ASH1L: variants seen among roughly 807,000 people sequenced by gnomAD.
ASH1L encodes ASH1 like histone lysine methyltransferase, also known as histone-lysine N-methyltransferase ASH1L.
ASH1L carries 23 observed loss-of-function variants against 269.0 expected under a neutral mutation model. The ratio of observed to expected loss-of-function variants is 0.09; its 90% CI spans 0.06 to 0.12. The LOEUF (loss-of-function observed/expected upper bound fraction) is 0.12. Among genes scored for constraint, ASH1L ranks in the 10% least tolerant of loss-of-function variants. The probability of loss-of-function intolerance (pLI) is 1.00; values close to 1 mark genes in which losing one functional copy is unlikely to be tolerated. For missense variants in ASH1L, 2,912 were observed against 3,567.8 expected (o/e 0.82, Z 4.68); for synonymous variants, 1,187 against 1,253.5 (o/e 0.95, Z 1.12).
intron 7 of ASH1L, 82 bp from the exon 8 acceptor site, chr1:155,380,198 C>T (rs758433249): frequency 1.1e-6 from 1 of 943,804 alleles, no homozygotes; most frequent in Non-Finnish European, 1.7e-6. Context: ...CAAGAACTAA[C>T]ATGTACTGAC....
intron 5 of ASH1L, among the ~76,000 whole-genome samples, chr1:155,436,922 T>C (rs1373206276): frequency 6.6e-6 from 1 of 152,210 alleles, no homozygotes; most frequent in Non-Finnish European, 1.5e-5. Flanking sequence ...CCCAGCATGA[T>C]TTGTCAAAAA....
rs764626533 is a variant in ASH1L, at chr1:155,562,176, C to A, written c.-123G>T. ...ACCGTGTCGGAGGCCGAGGCCGAGGCCGAGAGCGATGAGAGTGCAGGGAAG... is the reference window on the plus strand; with the variant it reads ...ACCGTGTCGGAGGCCGAGGCCGAGGACGAGAGCGATGAGAGTGCAGGGAAG... On this transcript the variant is annotated 5_prime_UTR_variant, in exon 1 of 28. Transcript: ENST00000392403. 6.3e-7 allele frequency: 1 copy of A among 1,599,642 alleles called. No individual in the cohort carries two copies. Among genetic ancestry groups the A allele is most frequent in the South Asian group, 1.1e-5 (1 of 90,194 alleles).
intron 1 of ASH1L, among the ~76,000 whole-genome samples, chr1:155,527,378 CCCT>C (rs1669331888): frequency 6.6e-6 from 1 of 152,032 alleles, no homozygotes. Flanking sequence ...TCACTGCCAC[CCCT>C]CCATAGAAAC....
chr1:155,371,485 T>A (rs1655935175), intron 10 of ASH1L, among the ~76,000 whole-genome samples: 1 of 151,860 alleles, frequency 6.6e-6, no homozygotes, highest in African/African-American at 2.4e-5. Context: ...GAGGTGGAGG[T>A]CGCAGTAAGC....
At chr1:155,369,236 G>A (rs1226566938) in intron 12 of ASH1L, among the ~76,000 whole-genome samples, 2 of 152,154 alleles carry the variant, frequency 1.3e-5, no homozygotes, top group Non-Finnish European at 2.9e-5. Flanking sequence ...AAGGTCAGGA[G>A]ATCGAGACCA....
At chr1:155,541,811 T>C (rs910583149) in intron 1 of ASH1L, among the ~76,000 whole-genome samples, 3 of 152,202 alleles carry the variant, frequency 2.0e-5, no homozygotes, top group African/African-American at 4.8e-5. Flanking sequence ...AATTATGTTA[T>C]TTCCTAATTT....
At chr1:155,525,385 G>T (rs992712469) in intron 1 of ASH1L, among the ~76,000 whole-genome samples, 2 of 151,980 alleles carry the variant, frequency 1.3e-5, no homozygotes, top group African/African-American at 4.8e-5. Context: ...GATAAAACTT[G>T]ACACGGACCC....
intron 5 of ASH1L, among the ~76,000 whole-genome samples, chr1:155,422,761 T>C (rs1369354491): frequency 6.6e-6 from 1 of 151,600 alleles, no homozygotes; most frequent in Non-Finnish European, 1.5e-5. Context: ...CGATTTCTCC[T>C]GCCTCAGCTT....
intron 1 of ASH1L, among the ~76,000 whole-genome samples, chr1:155,525,623 A>C (rs1264833941): frequency 6.6e-6 from 1 of 152,106 alleles, no homozygotes; most frequent in Non-Finnish European, 1.5e-5. Context: ...AAAGAAAAAA[A>C]CTTACGGCAC....
rs756232965 is a variant in ASH1L at position 155,562,556 on chromosome 1, C to G, written c.-503G>C. ...CCTTCCTCCTTGCGTTCTTTCCCACCGTCCCCCGCTCCGCCCGACTCCGTC... is the reference window on the plus strand; with the variant it reads ...CCTTCCTCCTTGCGTTCTTTCCCACGGTCCCCCGCTCCGCCCGACTCCGTC... On this transcript the variant is annotated 5_prime_UTR_variant, in exon 1 of 28. Transcript: ENST00000392403. The G allele has an allele frequency of 1.8e-5, 27 of 1,528,378 alleles. 1 individual carries two copies. In the Middle Eastern group the frequency reaches 5.0e-4, roughly 28 times the overall value. The allele number at this position is 1,528,378 out of a possible 1,614,324, so 94.7% of individuals were successfully genotyped here.
At chr1:155,443,815 A>G (rs76524390) in intron 4 of ASH1L, among the ~76,000 whole-genome samples, 1,570 of 152,252 alleles carry the variant, frequency 0.01, 31 homozygotes, top group African/African-American at 0.036. Context: ...ACTGAATTAT[A>G]TGAATATACC....
chr1:155,370,667 T>C lies in ASH1L; in HGVS notation c.6540-17A>G. The C allele has an allele frequency of 6.2e-7, 1 of 1,613,666 alleles. No individual in the cohort carries two copies. The highest frequency in any genetic ancestry group is 8.5e-7 in the Non-Finnish European group (1 of 1,179,596). The stretch of plus-strand genomic sequence containing the variant: ...ATCCTGTTCCTAAAGAGAAGATAAA[T>C]GATTGAAAGACAATTAAAGAGTAGC... On this transcript the variant is annotated splice_polypyrimidine_tract_variant and intron_variant, in intron 11 of 27. Transcript: ENST00000392403.
chr1:155,341,711 A>G (rs1293148325), intron 25 of ASH1L, among the ~76,000 whole-genome samples: 1 of 152,176 alleles, frequency 6.6e-6, no homozygotes, highest in African/African-American at 2.4e-5. Flanking sequence ...CGAAAGAGAA[A>G]AGAGGAAAGG....
chr1:155,359,900 T>C (rs1654788553), intron 13 of ASH1L, among the ~76,000 whole-genome samples: 2 of 151,954 alleles, frequency 1.3e-5, no homozygotes, highest in African/African-American at 2.4e-5. Flanking sequence ...TTTTTTTTTT[T>C]TGAGACAGAG....
intron 1 of ASH1L, among the ~76,000 whole-genome samples, chr1:155,547,356 G>A (rs188440506): frequency 2.0e-5 from 3 of 151,352 alleles, no homozygotes; most frequent in African/African-American, 4.9e-5. Context: ...TTACAATAGC[G>A]AAGACATGGA....
intron 17 of ASH1L, 89 bp from the exon 18 acceptor site, chr1:155,349,685 T>A: frequency 1.1e-6 from 1 of 907,800 alleles, no homozygotes; most frequent in Non-Finnish European, 1.7e-6. Flanking sequence ...TCCCTCAAAT[T>A]AAAAGTGAGA....
chr1:155,383,885 G>A (rs1170444015), intron 7 of ASH1L, among the ~76,000 whole-genome samples: 1 of 152,146 alleles, frequency 6.6e-6, no homozygotes, highest in Non-Finnish European at 1.5e-5. Flanking sequence ...TGTACCTAAT[G>A]ACACTGAATT....
chr1:155,381,422 C>A (rs1020218960), intron 7 of ASH1L, among the ~76,000 whole-genome samples: 1 of 151,724 alleles, frequency 6.6e-6, no homozygotes, highest in African/African-American at 2.4e-5. Flanking sequence ...TGGTGGTGGG[C>A]GCCTGTAATC....
rs529615371 is a variant in ASH1L at position 155,517,490 on chromosome 1, G to A, written c.420+3610C>T. Among the ~76,000 whole-genome samples, 6 of 152,098 alleles carry A rather than the reference G, an allele frequency of 3.9e-5. No individual in the cohort carries two copies. The South Asian group carries it at 1.0e-3, about 26-fold the overall frequency. The stretch of plus-strand genomic sequence containing the variant: ...CTAAAAGTACAAAAACTAGCCGGGC[G>A]TGGTAGCAGGCACCTGTAATCTCAG... On this transcript the variant is annotated intron_variant, in intron 2 of 27. Coordinates refer to ENST00000392403, the MANE Select transcript of ASH1L (RefSeq NM_018489.3).
Sources: allele counts gnomAD v4.1 joint callset (sites outside exome capture counted in the v4.1 genomes callset), GRCh38; gene constraint gnomAD v4.1.1; transcripts MANE v1.5; gene names NCBI Gene and HGNC (gene_info 2026-07-23, HGNC 2026-07-21).